RPTOR: variants seen among roughly 807,000 people sequenced by gnomAD.
RPTOR encodes regulatory-associated protein of mTOR.
In RPTOR, 21 loss-of-function variants were observed where a neutral mutation model predicts 169.9. That is an observed-to-expected ratio of 0.12 (90% CI 0.09 to 0.18). The LOEUF is 0.18. RPTOR is among the 10% of genes least tolerant of loss of function. The pLI is 1.00. For missense variants in RPTOR, 1,133 were observed against 1,855.9 expected, an observed-to-expected ratio of 0.61 and a Z score of 7.16; for synonymous variants, 732 against 753.2, an observed-to-expected ratio of 0.97 and a Z score of 0.46.
chr17:80,603,730 T>G (rs2065208247), intron 1 of RPTOR, among the ~76,000 whole-genome samples: 1 of 152,308 alleles, frequency 6.6e-6, no homozygotes, highest in East Asian at 1.9e-4. Flanking sequence ...CAGGAGGGGC[T>G]AATTTCCCCC....
chr17:80,708,064 G>A lies in RPTOR; in HGVS notation c.507+65G>A, dbSNP rs2143094961. 2 of 1,504,342 alleles carry A rather than the reference G, an allele frequency of 1.3e-6. No homozygotes were observed. 93.2% of individuals were successfully genotyped at this position (1,504,342 alleles called of 1,614,324 possible). A position where few individuals can be genotyped will look rare whatever the true frequency, so the allele number is the denominator to read the frequency against. On this transcript the variant is annotated intron_variant, in intron 4 of 33. Coordinates refer to ENST00000306801, the MANE Select transcript of RPTOR (RefSeq NM_020761.3). The surrounding 1 kb of genome is among the most constrained non-coding windows in gnomAD (Gnocchi z 4.2). Reference sequence around the variant, plus strand: ...AGCCATGCCAATTGCGGTGGTCGGAGCAGGTCCTGCCCATCCGTAGCTTCT... The same window carrying A: ...AGCCATGCCAATTGCGGTGGTCGGAACAGGTCCTGCCCATCCGTAGCTTCT...
intron 6 of RPTOR, among the ~76,000 whole-genome samples, chr17:80,778,568 G>A (rs575532869): frequency 2.0e-5 from 3 of 152,264 alleles, no homozygotes; most frequent in East Asian, 3.9e-4. Context: ...GGGCCCAGGC[G>A]GGAGGATCAC....
chr17:80,676,272 C>T (rs904357145), intron 3 of RPTOR, among the ~76,000 whole-genome samples: 1 of 152,096 alleles, frequency 6.6e-6, no homozygotes, highest in African/African-American at 2.4e-5. Flanking sequence ...AGATGAATGG[C>T]GAATGGGATT....
At chr17:80,953,009 G>A (rs1313904445) in intron 28 of RPTOR, among the ~76,000 whole-genome samples, 1 of 151,538 alleles carries the variant, frequency 6.6e-6, no homozygotes, top group Non-Finnish European at 1.5e-5. Flanking sequence ...GGACTAGAGG[G>A]TCGCACCACC....
intron 6 of RPTOR, among the ~76,000 whole-genome samples, chr17:80,761,044 C>G (rs922517945): frequency 6.6e-6 from 1 of 152,024 alleles, no homozygotes; most frequent in Non-Finnish European, 1.5e-5. Flanking sequence ...TTCAATAATT[C>G]CAAAATGAGC....
intron 10 of RPTOR, among the ~76,000 whole-genome samples, chr17:80,839,137 C>CTGCG (rs1181808889): frequency 1.2e-4 from 19 of 152,308 alleles, no homozygotes; most frequent in Admixed American, 5.2e-4. Context: ...CTGGGTGTGC[C>CTGCG]TGCGTGCGTG....
chr17:80,818,413 C>A (rs2067345537), intron 7 of RPTOR, among the ~76,000 whole-genome samples: 1 of 152,134 alleles, frequency 6.6e-6, no homozygotes, highest in East Asian at 1.9e-4. Context: ...CAACATACAC[C>A]AATAGGCTTC....
intron 13 of RPTOR, among the ~76,000 whole-genome samples, chr17:80,875,690 G>A (rs1318179661): frequency 6.6e-6 from 1 of 151,988 alleles, no homozygotes; most frequent in Non-Finnish European, 1.5e-5. Flanking sequence ...CCTCCGCCCA[G>A]GATGTGTGTG....
At chr17:80,743,800 CAGCCCTGGCTACTAGCAG>C (rs1567887333) in intron 5 of RPTOR, among the ~76,000 whole-genome samples, 15 of 81,732 alleles carry the variant, frequency 1.8e-4, no homozygotes, top group African/African-American at 5.3e-4. Flanking sequence ...GCTACTAGCA[CAGCCCTGGCTACTAGCAG>C]AGCCCTGGCT....
At position 80,874,879 on chromosome 17, in the gene RPTOR, C is replaced by A. The variant is rs544378717; in HGVS notation, c.1510-5536C>A. On this transcript the variant is annotated intron_variant, in intron 13 of 33. Transcript: ENST00000306801. Reference sequence around the variant, plus strand: ...GAAACTTTTTTCCTTCCCAGCACCCCGCTCATAACAAGGGCTAAACTCTTC... The same window carrying A: ...GAAACTTTTTTCCTTCCCAGCACCCAGCTCATAACAAGGGCTAAACTCTTC... Among the ~76,000 whole-genome samples, 3 of 152,318 alleles carry A rather than the reference C, an allele frequency of 2.0e-5. No homozygotes were observed. In the East Asian group the frequency reaches 5.8e-4, roughly 29 times the overall value.
intron 6 of RPTOR, among the ~76,000 whole-genome samples, chr17:80,761,768 C>G (rs905624410): frequency 6.6e-6 from 1 of 152,210 alleles, no homozygotes; most frequent in Non-Finnish European, 1.5e-5. Flanking sequence ...GCTCTCGGGT[C>G]TTTTGCCGCT....
chr17:80,935,917 G>T (rs1198243784), intron 24 of RPTOR, among the ~76,000 whole-genome samples: 2 of 152,162 alleles, frequency 1.3e-5, no homozygotes, highest in African/African-American at 4.8e-5. Flanking sequence ...TTAAGAAAAT[G>T]AAAAGACAAG....
At chr17:80,599,314 C>G (rs754187739) in intron 1 of RPTOR, among the ~76,000 whole-genome samples, 1 of 148,026 alleles carries the variant, frequency 6.8e-6, no homozygotes. Flanking sequence ...CTTAAGTCTT[C>G]CCAGCTGAGG....
At chr17:80,635,443 C>T (rs867629629) in intron 2 of RPTOR, among the ~76,000 whole-genome samples, 7 of 152,108 alleles carry the variant, frequency 4.6e-5, no homozygotes, top group East Asian at 1.9e-4. Flanking sequence ...CCTGGTCAGC[C>T]GAGGGAAGGA....
chr17:80,914,228 C>G (rs572792554), intron 21 of RPTOR, among the ~76,000 whole-genome samples: 2 of 152,218 alleles, frequency 1.3e-5, no homozygotes, highest in African/African-American at 4.8e-5. Flanking sequence ...AGGCAGGGAC[C>G]GGTGGAATCC....
chr17:80,895,969 G>A (rs958597044), intron 20 of RPTOR, among the ~76,000 whole-genome samples: 4 of 152,104 alleles, frequency 2.6e-5, no homozygotes, highest in Admixed American at 6.5e-5. Context: ...CATCGAAAAT[G>A]CATCTAATCT....
At chr17:80,949,934 TG>T (rs1423601743) in intron 28 of RPTOR, among the ~76,000 whole-genome samples, 1 of 152,206 alleles carries the variant, frequency 6.6e-6, no homozygotes, top group East Asian at 1.9e-4. Flanking sequence ...AACTCCTCCT[TG>T]GGGGTCGGGG....
At chr17:80,778,769 A>G (rs1451140734) in intron 6 of RPTOR, among the ~76,000 whole-genome samples, 4 of 152,204 alleles carry the variant, frequency 2.6e-5, no homozygotes, top group Non-Finnish European at 4.4e-5. Context: ...ACTGCACTCC[A>G]GCCCACACAG....
At chr17:80,734,887 C>T (rs1193371306) in intron 5 of RPTOR, among the ~76,000 whole-genome samples, 3 of 152,164 alleles carry the variant, frequency 2.0e-5, no homozygotes, top group East Asian at 1.9e-4. Context: ...ATAACAACTA[C>T]GTTTACAGCA....
Sources: allele counts gnomAD v4.1 joint callset (sites outside exome capture counted in the v4.1 genomes callset), GRCh38; gene constraint gnomAD v4.1.1; non-coding constraint Gnocchi (gnomAD v3.1); transcripts MANE v1.5; gene names NCBI Gene and HGNC (gene_info 2026-07-23, HGNC 2026-07-21).